The following TPRG1 variants were observed in gnomAD, a reference collection of about 807,000 sequenced individuals.
TPRG1 encodes tumor protein p63-regulated gene 1 protein.
A neutral mutation model predicts 29.3 loss-of-function variants in TPRG1; 29 were observed. That is an observed-to-expected ratio of 0.99 (90% CI 0.74 to 1.35). The LOEUF (loss-of-function observed/expected upper bound fraction) is 1.35. TPRG1 is among the 40% of genes most tolerant of loss of function. The probability of loss-of-function intolerance (pLI) is 0.00; values close to 1 mark genes in which losing one functional copy is unlikely to be tolerated. For missense variants in TPRG1, 327 were observed against 335.0 expected, an observed-to-expected ratio of 0.98 and a Z score of 0.19; for synonymous variants, 130 against 116.8, an observed-to-expected ratio of 1.11 and a Z score of -0.73.
In TPRG1 at chr3:189,288,069, CAG is replaced by C. The variant is rs143072494; in HGVS notation, c.480-22314_480-22313del. On this transcript the variant is annotated intron_variant, in intron 4 of 5. Coordinates refer to ENST00000345063, the MANE Select transcript of TPRG1 (RefSeq NM_198485.4). ...GACAGTGAGAGAGAAAAGAGAGAGA[CAG>C]AGGAAAAAGAGAGAGGAGAGAAAAT... Among the ~76,000 whole-genome samples the C allele has an allele frequency of 4.8e-4, 72 of 150,926 alleles. 1 individual carries two copies. Among genetic ancestry groups the C allele is most frequent in the East Asian group, 2.5e-3 (13 of 5,146 alleles).
At chr3:189,154,769 T>C (rs749272041) in intron 5 of TPRG1, among the ~76,000 whole-genome samples, 2 of 152,000 alleles carry the variant, frequency 1.3e-5, no homozygotes, top group Non-Finnish European at 1.5e-5. Context: ...ATGTGGTGTG[T>C]GTTGGGGGAG....
chr3:189,031,935 A>G (rs932723454), intron 4 of TPRG1, among the ~76,000 whole-genome samples: 1 of 152,176 alleles, frequency 6.6e-6, no homozygotes, highest in Non-Finnish European at 1.5e-5. Context: ...AAGAGGGTAT[A>G]TTAGTTAGAA....
chr3:189,274,483 T>G (rs1265182851), intron 4 of TPRG1, among the ~76,000 whole-genome samples: 1 of 152,140 alleles, frequency 6.6e-6, no homozygotes, highest in Non-Finnish European at 1.5e-5. Context: ...AATAAGAACT[T>G]AGACTAAAAG....
chr3:189,035,108 G>C (rs1369149156), intron 4 of TPRG1, among the ~76,000 whole-genome samples: 1 of 151,910 alleles, frequency 6.6e-6, no homozygotes, highest in Admixed American at 6.6e-5. Flanking sequence ...AATGGAACAG[G>C]GTTGAGAACC....
At chr3:189,071,098 A>G (rs1716789222) in intron 4 of TPRG1, among the ~76,000 whole-genome samples, 1 of 151,822 alleles carries the variant, frequency 6.6e-6, no homozygotes, top group Non-Finnish European at 1.5e-5. Flanking sequence ...AATGCCTTAG[A>G]AACAGCTCAG....
intron 2 of TPRG1, among the ~76,000 whole-genome samples, chr3:189,208,161 C>G (rs566965716): frequency 1.3e-5 from 2 of 152,166 alleles, no homozygotes; most frequent in Non-Finnish European, 2.9e-5. Flanking sequence ...CAGGAGGGAG[C>G]TTGTATATCT....
chr3:189,175,092 G>A (rs1039357627), intron 1 of TPRG1, among the ~76,000 whole-genome samples: 5 of 152,028 alleles, frequency 3.3e-5, no homozygotes, highest in Non-Finnish European at 7.4e-5. Flanking sequence ...TTCTCAAAGG[G>A]GCTTACCATC....
At chr3:189,252,445 C>T (rs552161189) in intron 4 of TPRG1, among the ~76,000 whole-genome samples, 8 of 152,270 alleles carry the variant, frequency 5.3e-5, no homozygotes, top group African/African-American at 1.7e-4. Flanking sequence ...GTTATTGTCG[C>T]TTTTCTGAAA....
At chr3:189,053,484 G>T (rs1215413874) in intron 4 of TPRG1, among the ~76,000 whole-genome samples, 1 of 152,088 alleles carries the variant, frequency 6.6e-6, no homozygotes, top group East Asian at 1.9e-4. Flanking sequence ...CCAGATCACT[G>T]CATACGGACA....
chr3:189,202,143 A>G (rs1733602376), intron 1 of TPRG1, among the ~76,000 whole-genome samples: 1 of 152,166 alleles, frequency 6.6e-6, no homozygotes, highest in Admixed American at 6.5e-5. Flanking sequence ...TCTCTGAGAA[A>G]CAAACATTTA....
intron 2 of TPRG1, among the ~76,000 whole-genome samples, chr3:189,130,649 T>A (rs1343043069): frequency 6.6e-6 from 1 of 152,184 alleles, no homozygotes; most frequent in Admixed American, 6.5e-5. Context: ...GTGTGAGGGC[T>A]CTACTATCAA....
intron 1 of TPRG1, among the ~76,000 whole-genome samples, chr3:189,193,395 C>G (rs1732016420): frequency 6.6e-6 from 1 of 152,002 alleles, no homozygotes; most frequent in African/African-American, 2.4e-5. Flanking sequence ...CACAGAGAAA[C>G]TTTTGGGTTT....
chr3:189,128,247 G>T (rs1004889809), intron 2 of TPRG1, among the ~76,000 whole-genome samples: 34 of 152,178 alleles, frequency 2.2e-4, no homozygotes, highest in African/African-American at 8.2e-4. Context: ...CCTGGAGCAT[G>T]GGCCGCCATG....
At chr3:189,288,017 A>T (rs551996870) in intron 4 of TPRG1, among the ~76,000 whole-genome samples, 8 of 151,828 alleles carry the variant, frequency 5.3e-5, no homozygotes, top group Admixed American at 1.3e-4. Flanking sequence ...AAAAAATTTA[A>T]ATTTTTAACA....
At chr3:188,998,154 T>C (rs1190681012) in intron 1 of TPRG1, among the ~76,000 whole-genome samples, 1 of 152,000 alleles carries the variant, frequency 6.6e-6, no homozygotes, top group Non-Finnish European at 1.5e-5. Flanking sequence ...GAGCAGACCA[T>C]AAACAAACAG....
intron 3 of TPRG1, among the ~76,000 whole-genome samples, chr3:189,019,288 G>C (rs1038142825): frequency 2.0e-5 from 3 of 152,082 alleles, no homozygotes; most frequent in African/African-American, 4.8e-5. Context: ...AGTCGTGAGA[G>C]AGGGCATCCC....
chr3:189,302,066 C>G (rs933567839), intron 4 of TPRG1, among the ~76,000 whole-genome samples: 3 of 152,144 alleles, frequency 2.0e-5, no homozygotes, highest in African/African-American at 7.2e-5. Context: ...TACAATTTTT[C>G]TTATGTGGAT....
At chr3:189,032,272 A>G (rs986047774) in intron 4 of TPRG1, among the ~76,000 whole-genome samples, 12 of 152,162 alleles carry the variant, frequency 7.9e-5, no homozygotes, top group African/African-American at 2.9e-4. Context: ...CCGTGACCTA[A>G]GGAATGTAGG....
rs570505061 is a variant in TPRG1 at position 189,286,596 on chromosome 3, G to A, written c.480-23790G>A. ...TGCCTATGTATTTGGAATTGGGACT[G>A]AGAGATACTAGTCAGGATTTGAGAA... is the stretch of plus-strand genomic sequence containing the variant. On this transcript the variant is annotated intron_variant, in intron 4 of 5. Coordinates refer to ENST00000345063, the MANE Select transcript of TPRG1 (RefSeq NM_198485.4). 5.3e-5 allele frequency among the ~76,000 whole-genome samples: 8 copies of A among 152,256 alleles called. No individual in the cohort carries two copies. In the South Asian group the frequency reaches 1.5e-3, roughly 28 times the overall value.
Sources: gnomAD v4.1 joint callset for allele counts (sites outside exome capture counted in the v4.1 genomes callset) on GRCh38, gnomAD v4.1.1 for gene constraint, MANE v1.5 for transcripts, NCBI Gene and HGNC (gene_info 2026-07-23, HGNC 2026-07-21) for gene names.